MIA2: variants seen among roughly 807,000 people sequenced by gnomAD.
The protein encoded by MIA2 is melanoma inhibitory activity protein 2.
In MIA2, 127 loss-of-function variants were observed where a neutral mutation model predicts 167.8. That is an observed-to-expected ratio of 0.76 (90% CI 0.66 to 0.88). The LOEUF (loss-of-function observed/expected upper bound fraction) is 0.88, where lower values mean the gene tolerates loss of function less well. Among genes scored for constraint, MIA2 ranks in the 40% least tolerant of loss-of-function variants. The pLI, the probability that MIA2 is intolerant of heterozygous loss-of-function variation, is 0.00. For synonymous variants in MIA2, 552 were observed against 541.9 expected, an observed-to-expected ratio of 1.02 and a Z score of -0.26; for missense variants, 1,690 against 1,624.7, an observed-to-expected ratio of 1.04 and a Z score of -0.69.
At chr14:39,243,552 C>T (rs1248923971) in intron 3 of MIA2, among the ~76,000 whole-genome samples, 4 of 152,156 alleles carry the variant, frequency 2.6e-5, no homozygotes, top group East Asian at 1.9e-4. Flanking sequence ...CACAATTTTA[C>T]GTGACACACG....
At chr14:39,317,041 A>C (rs1486462337) in intron 21 of MIA2, among the ~76,000 whole-genome samples, 1 of 152,204 alleles carries the variant, frequency 6.6e-6, no homozygotes, top group Non-Finnish European at 1.5e-5. Context: ...CTCAGATGAC[A>C]TGGGTAGAGG....
At chr14:39,331,347 G>A (rs1299910335) in intron 25 of MIA2, among the ~76,000 whole-genome samples, 1 of 151,996 alleles carries the variant, frequency 6.6e-6, no homozygotes. Context: ...GCCTATGTGT[G>A]TCTATGCACA....
chr14:39,319,350 T>A, intron 23 of MIA2, 59 bp downstream of exon 23: 1 of 778,398 alleles, frequency 1.3e-6, no homozygotes, highest in Non-Finnish European at 1.9e-6. Context: ...ATATATATAT[T>A]GCACATATAG....
Position 39,273,921 on chromosome 14 carries a change from T to C in MIA2, c.1888-3013T>C, listed in dbSNP as rs540105952. ...AGTGATTGGTGTTAATGTTTTATCTTGGAGAGGTGTACCTTCATGGAACTT... is the reference window on the plus strand; with the variant it reads ...AGTGATTGGTGTTAATGTTTTATCTCGGAGAGGTGTACCTTCATGGAACTT... On this transcript the variant is annotated intron_variant, in intron 6 of 28. Coordinates refer to ENST00000640607, the MANE Select transcript of MIA2 (RefSeq NM_001329214.4). Among the ~76,000 whole-genome samples, 7 of 152,340 alleles carry C rather than the reference T, an allele frequency of 4.6e-5. No homozygotes were observed. The East Asian group carries it at 1.3e-3, about 29-fold the overall frequency.
chr14:39,264,461 G>A lies in MIA2; in HGVS notation c.1887+11290G>A, dbSNP rs141753174. Among the ~76,000 whole-genome samples, 259 of 152,314 alleles carry A rather than the reference G, an allele frequency of 1.7e-3. 1 individual carries two copies. The highest frequency in any genetic ancestry group is 5.5e-3 in the African/African-American group (230 of 41,572). ...TTTACTTTCTTTGGGTATATACCCA[G>A]TAATGACATTGCTGGGTCGAATGGT... On this transcript the variant is annotated intron_variant, in intron 6 of 28. Coordinates refer to ENST00000640607, the MANE Select transcript of MIA2 (RefSeq NM_001329214.4).
At chr14:39,266,993 C>G in intron 6 of MIA2, 1 of 832,194 alleles carries the variant, frequency 1.2e-6, no homozygotes, top group African/African-American at 1.8e-5. Context: ...GAATCTCATC[C>G]TCTAGTCCCA....
intron 23 of MIA2, among the ~76,000 whole-genome samples, chr14:39,359,842 G>C (rs563674358): frequency 3.1e-3 from 466 of 152,180 alleles, no homozygotes; most frequent in Non-Finnish European, 5.0e-3. Flanking sequence ...TTTTTATAAA[G>C]ACCCAGTTAA....
At chr14:39,279,951 G>C (rs2058680451) in intron 9 of MIA2, among the ~76,000 whole-genome samples, 1 of 152,196 alleles carries the variant, frequency 6.6e-6, no homozygotes, top group Non-Finnish European at 1.5e-5. Context: ...AGGTACTGGG[G>C]TTGGAGCTTC....
intron 9 of MIA2, among the ~76,000 whole-genome samples, chr14:39,286,021 C>G (rs2059723623): frequency 6.6e-6 from 1 of 152,212 alleles, no homozygotes; most frequent in Non-Finnish European, 1.5e-5. Flanking sequence ...GGCAGAGACG[C>G]TCTTCACTTC....
intron 7 of MIA2, among the ~76,000 whole-genome samples, chr14:39,277,730 A>ATT (rs2058316498): frequency 4.2e-4 from 2 of 4,814 alleles, no homozygotes; most frequent in African/African-American, 2.6e-3. Flanking sequence ...GTATATATAT[A>ATT]TATATATATA....
At chr14:39,239,894 G>T (rs2053962041) in intron 2 of MIA2, among the ~76,000 whole-genome samples, 1 of 152,146 alleles carries the variant, frequency 6.6e-6, no homozygotes, top group African/African-American at 2.4e-5. Context: ...GTATAATGGT[G>T]CTGGATTAGA....
chr14:39,277,699 TATATATATATATATATGTGTGTA>T (rs2058266582), intron 7 of MIA2, among the ~76,000 whole-genome samples: 1 of 6,680 alleles, frequency 1.5e-4, no homozygotes, highest in African/African-American at 9.9e-4. Flanking sequence ...TGTGTATATA[TATATATATATATATATGTGTGTA>T]TATATATATA....
At chr14:39,243,071 C>A (rs1449922993) in intron 3 of MIA2, among the ~76,000 whole-genome samples, 1 of 145,782 alleles carries the variant, frequency 6.9e-6, no homozygotes, top group East Asian at 2.0e-4. Context: ...TACAGTGAGC[C>A]AAGATTGCTC....
intron 23 of MIA2, chr14:39,386,592 TG>T: frequency 9.4e-7 from 1 of 1,061,328 alleles, no homozygotes; most frequent in Non-Finnish European, 1.4e-6. Flanking sequence ...TGTGCCACAG[TG>T]GGCTTTCTTT....
intron 23 of MIA2, among the ~76,000 whole-genome samples, chr14:39,365,689 AT>A (rs2074808227): frequency 8.8e-6 from 1 of 113,696 alleles, no homozygotes; most frequent in Non-Finnish European, 1.8e-5. Context: ...CTATCTATCT[AT>A]CTATCTAGTA....
intron 9 of MIA2, among the ~76,000 whole-genome samples, chr14:39,286,155 G>A (rs185226348): frequency 1.0e-3 from 157 of 152,204 alleles, no homozygotes; most frequent in African/African-American, 3.5e-3. Context: ...CCTGGGCAAC[G>A]TTGAGCACTG....
chr14:39,276,789 A>G (rs761969006), intron 6 of MIA2, 145 bp from the exon 7 acceptor site: 9 of 789,948 alleles, frequency 1.1e-5, no homozygotes, highest in Non-Finnish European at 1.8e-5. Flanking sequence ...TTGAAAGTTG[A>G]CAAAAAAATG....
chr14:39,314,914 T>TCAAAAGAGGTATACAA, intron 20 of MIA2, 115 bp downstream of exon 20: 2 of 740,114 alleles, frequency 2.7e-6, no homozygotes, highest in Non-Finnish European at 3.9e-6. Context: ...GTTGTATACC[T>TCAAAAGAGGTATACAA]CTTTTGAGGT....
At chr14:39,379,129 A>T (rs772720727) in intron 23 of MIA2, among the ~76,000 whole-genome samples, 13 of 151,888 alleles carry the variant, frequency 8.6e-5, no homozygotes, top group Non-Finnish European at 1.6e-4. Flanking sequence ...AAACCTTTTT[A>T]TAGTCTTTTA....
Sources: gnomAD v4.1 joint callset for allele counts (sites outside exome capture counted in the v4.1 genomes callset) on GRCh38, gnomAD v4.1.1 for gene constraint, MANE v1.5 for transcripts, NCBI Gene and HGNC (gene_info 2026-07-23, HGNC 2026-07-21) for gene names.